Variants in FAF1 observed in about 807,000 individuals in gnomAD.
FAF1 encodes the protein FAS-associated factor 1.
FAF1 carries 25 observed loss-of-function variants against 92.5 expected under a neutral mutation model. The ratio of observed to expected loss-of-function variants is 0.27; its 90% confidence interval spans 0.20 to 0.38. The LOEUF is 0.38. Ranked by LOEUF, FAF1 falls within the 10% of genes least tolerant of loss-of-function variation. The pLI, the probability that FAF1 is intolerant of heterozygous loss-of-function variation, is 1.00. For synonymous variants in FAF1, 234 were observed against 273.2 expected, an observed-to-expected ratio of 0.86 and a Z score of 1.42; for missense variants, 636 against 793.3, an observed-to-expected ratio of 0.80 and a Z score of 2.38.
intron 8 of FAF1, among the ~76,000 whole-genome samples, chr1:50,618,627 C>T (rs1195871170): frequency 2.6e-5 from 4 of 151,900 alleles, no homozygotes; most frequent in East Asian, 1.9e-4. Context: ...GCTGGGTGAG[C>T]ATATATTTAG....
intron 15 of FAF1, among the ~76,000 whole-genome samples, chr1:50,492,469 GATT>G (rs1430159586): frequency 6.6e-6 from 1 of 152,138 alleles, no homozygotes; most frequent in African/African-American, 2.4e-5. Context: ...CTTCTGAAAT[GATT>G]ATACCATCTG....
At chr1:50,885,973 C>T (rs889552227) in intron 1 of FAF1, among the ~76,000 whole-genome samples, 4 of 152,154 alleles carry the variant, frequency 2.6e-5, no homozygotes, top group African/African-American at 9.7e-5. Context: ...AAAAGAAACA[C>T]TCTACATCTT....
chr1:50,718,436 A>G (rs1224974943), intron 6 of FAF1, among the ~76,000 whole-genome samples: 1 of 152,252 alleles, frequency 6.6e-6, no homozygotes, highest in Non-Finnish European at 1.5e-5. Flanking sequence ...CAGTGAAATT[A>G]TACTTCTCAA....
chr1:50,895,145 T>A (rs1435636898), intron 1 of FAF1, among the ~76,000 whole-genome samples: 1 of 151,364 alleles, frequency 6.6e-6, no homozygotes, highest in Non-Finnish European at 1.5e-5. Context: ...CCAGACTAAA[T>A]AAAAGAGGAA....
At chr1:50,490,690 A>T (rs766503340) in intron 16 of FAF1, 25 bp from the exon 17 acceptor site, 1 of 1,414,334 alleles carries the variant, frequency 7.1e-7, no homozygotes, top group African/African-American at 1.4e-5. Flanking sequence ...GAAAAGGAAC[A>T]AGCACTTAAC....
intron 3 of FAF1, among the ~76,000 whole-genome samples, chr1:50,798,770 C>T (rs2124588405): frequency 6.6e-6 from 1 of 152,314 alleles, no homozygotes; most frequent in Middle Eastern, 3.4e-3. Flanking sequence ...TAATATCTGC[C>T]TTTAATAGCT....
chr1:50,723,629 C>T (rs1011116597), intron 6 of FAF1, among the ~76,000 whole-genome samples: 24 of 152,004 alleles, frequency 1.6e-4, no homozygotes, highest in African/African-American at 4.8e-4. Flanking sequence ...ATACACATTC[C>T]GACCAGGTGC....
At chr1:50,579,303 T>C (rs1383524332) in intron 12 of FAF1, among the ~76,000 whole-genome samples, 2 of 152,156 alleles carry the variant, frequency 1.3e-5, no homozygotes, top group Admixed American at 6.5e-5. Context: ...ATACATAGTA[T>C]ATCTTACAGA....
rs561632254 is a variant in FAF1, at chr1:50,803,292, CA to C, written c.115-1616del. ...TACCAGAGCTTAGAAAGATTTGGTT[CA>C]AATCTTTCAAAAAACATTTTCACTG... On this transcript the variant is annotated intron_variant, in intron 2 of 18. Coordinates refer to ENST00000396153, the MANE Select transcript of FAF1 (RefSeq NM_007051.3). 6.0e-3 allele frequency among the ~76,000 whole-genome samples: 907 copies of C among 152,180 alleles called. 10 individuals are homozygous for C. The highest frequency in any genetic ancestry group is 0.021 in the African/African-American group (857 of 41,524).
At chr1:50,686,236 T>C (rs974887191) in intron 7 of FAF1, among the ~76,000 whole-genome samples, 10 of 152,110 alleles carry the variant, frequency 6.6e-5, no homozygotes, top group African/African-American at 2.2e-4. Context: ...AGTAGAAATA[T>C]GTCCCCTTTA....
intron 6 of FAF1, among the ~76,000 whole-genome samples, chr1:50,722,625 G>A (rs1314187876): frequency 2.1e-5 from 3 of 146,144 alleles, no homozygotes; most frequent in Non-Finnish European, 4.5e-5. Context: ...CTCCAGCCTG[G>A]GCGACAGAGA....
intron 4 of FAF1, among the ~76,000 whole-genome samples, chr1:50,782,542 T>C (rs1273058225): frequency 1.3e-5 from 2 of 149,682 alleles, no homozygotes; most frequent in African/African-American, 5.1e-5. Flanking sequence ...TCAAAAAATT[T>C]TTTATTTTTA....
rs1356464238 is a variant in FAF1, at chr1:50,943,561, G to C, written c.45+16206C>G. ...CTTCCAGGGCCAAGGTGTTGTCATT[G>C]GTTAGTTCAGTTAAAAAGTCAGGAA... On this transcript the variant is annotated intron_variant, in intron 1 of 18. Coordinates refer to ENST00000396153, the MANE Select transcript of FAF1 (RefSeq NM_007051.3). Among the ~76,000 whole-genome samples the C allele has an allele frequency of 2.6e-5, 4 of 152,124 alleles. No individual in the cohort carries two copies. In the East Asian group the frequency reaches 7.7e-4, roughly 29 times the overall value.
Position 50,475,596 on chromosome 1 carries a change from C to A in FAF1, c.1737G>T (p.Arg579=). 4 of 1,614,082 alleles carry A rather than the reference C, an allele frequency of 2.5e-6. No homozygotes were observed. Among genetic ancestry groups the A allele is most frequent in the Non-Finnish European group, 3.4e-6 (4 of 1,179,990 alleles). Residue 579 remains arginine (R), a synonymous_variant, in exon 18 of 19, where the codon CGG becomes CGT. Transcript: ENST00000396153. ...NAEPVSKLRI[R]TPSGEFLERR... is the part of the protein sequence containing the mutation. ...GCTCCAAGAACTCGCCACTGGGGGT[C>A]CGGATCCGCAGTTTGCTCACAGGCT...
intron 6 of FAF1, among the ~76,000 whole-genome samples, chr1:50,721,811 A>T (rs1658424081): frequency 6.6e-6 from 1 of 151,894 alleles, no homozygotes. Context: ...TTTTGTAGAG[A>T]TGAGGTTCCA....
At chr1:50,882,263 A>T (rs1644618016) in intron 1 of FAF1, among the ~76,000 whole-genome samples, 1 of 152,178 alleles carries the variant, frequency 6.6e-6, no homozygotes, top group Admixed American at 6.6e-5. Flanking sequence ...GTACATTGTA[A>T]GAAGATCTAA....
chr1:50,768,767 T>C (rs1660671176), intron 4 of FAF1, among the ~76,000 whole-genome samples: 1 of 152,100 alleles, frequency 6.6e-6, no homozygotes, highest in Admixed American at 6.5e-5. Context: ...ACAGAAACTC[T>C]GGGACACAGC....
In FAF1 at chr1:50,960,261, C is replaced by G. The variant is rs1016886411; in HGVS notation, c.-450G>C. On this transcript the variant is annotated 5_prime_UTR_variant, in exon 1 of 19. Transcript: ENST00000396153. ...TTCCTCCCTGGCCGCCGCCTCCGCCCCTGGTTGGCCAGCGCCACGGCTGTC... is the reference window on the plus strand; with the variant it reads ...TTCCTCCCTGGCCGCCGCCTCCGCCGCTGGTTGGCCAGCGCCACGGCTGTC... The G allele has an allele frequency of 1.8e-5, 6 of 330,352 alleles. No homozygotes were observed. The highest frequency in any genetic ancestry group is 1.3e-4 in the African/African-American group (6 of 46,324). The allele number at this position is 330,352 out of a possible 1,614,324, so 20.5% of individuals were successfully genotyped here.
chr1:50,497,641 C>A (rs765893945), intron 15 of FAF1, among the ~76,000 whole-genome samples: 1 of 147,952 alleles, frequency 6.8e-6, no homozygotes, highest in Non-Finnish European at 1.5e-5. Flanking sequence ...CTCCACCCCC[C>A]CAGGTTTAAG....
Sources: gnomAD v4.1 joint callset for allele counts (sites outside exome capture counted in the v4.1 genomes callset) on GRCh38, gnomAD v4.1.1 for gene constraint, MANE v1.5 for transcripts, NCBI Gene and HGNC (gene_info 2026-07-23, HGNC 2026-07-21) for gene names.